Variants in MAEL observed in about 807,000 individuals in gnomAD.
The protein encoded by MAEL is protein maelstrom homolog.
In MAEL, 46 loss-of-function variants were observed where a neutral mutation model predicts 62.0. The ratio of observed to expected loss-of-function variants is 0.74; its 90% CI spans 0.59 to 0.95. The LOEUF (loss-of-function observed/expected upper bound fraction) is 0.95. Among genes scored for constraint, MAEL ranks in the 40% least tolerant of loss-of-function variants. The probability of loss-of-function intolerance (pLI) is 0.00; values close to 1 mark genes in which losing one functional copy is unlikely to be tolerated. For missense variants in MAEL, 497 were observed against 526.8 expected, an observed-to-expected ratio of 0.94 and a Z score of 0.55; for synonymous variants, 172 against 175.5, an observed-to-expected ratio of 0.98 and a Z score of 0.16.
upstream of MAEL, among the ~76,000 whole-genome samples, chr1:166,987,114 T>C (rs1053505242): frequency 1.3e-5 from 2 of 152,158 alleles, no homozygotes; most frequent in Non-Finnish European, 2.9e-5. Flanking sequence ...ATACTACTAA[T>C]AGCCACCAAC....
intron 8 of MAEL, chr1:167,006,198 A>G (rs1433111004): frequency 6.6e-6 from 1 of 152,120 alleles, no homozygotes; most frequent in Non-Finnish European, 1.5e-5. Context: ...TCCGAAGACC[A>G]TATTCATATT....
At chr1:166,986,554 G>A (rs1259048520), upstream of MAEL, among the ~76,000 whole-genome samples, 1 of 152,070 alleles carries the variant, frequency 6.6e-6, no homozygotes, top group African/African-American at 2.4e-5. Flanking sequence ...TTTAAAACAA[G>A]TACACTAAAA....
intron 8 of MAEL, among the ~76,000 whole-genome samples, chr1:167,013,158 G>A (rs567135387): frequency 2.8e-4 from 42 of 152,314 alleles, no homozygotes; most frequent in Non-Finnish European, 5.3e-4. Flanking sequence ...GCAAGCAACT[G>A]TCGTCCTGCT....
intron 5 of MAEL, among the ~76,000 whole-genome samples, chr1:166,994,693 C>T (rs1427894431): frequency 5.9e-5 from 7 of 119,392 alleles, no homozygotes; most frequent in East Asian, 4.9e-4. Flanking sequence ...TTTTTTGAGA[C>T]GGAGCCTTGC....
At chr1:166,997,020 G>T (rs985053880) in intron 5 of MAEL, among the ~76,000 whole-genome samples, 7 of 152,138 alleles carry the variant, frequency 4.6e-5, no homozygotes, top group African/African-American at 4.8e-5. Context: ...TAGAGACAGG[G>T]TTTCACCATG....
At chr1:167,005,697 A>T (rs1664865170) in intron 8 of MAEL, 1 of 196,348 alleles carries the variant, frequency 5.1e-6, no homozygotes, top group African/African-American at 2.3e-5. Context: ...ACTTACATGT[A>T]AAAGAATATA....
Position 167,006,601 on chromosome 1 carries a change from CTATATATATATATATATA to C in MAEL, c.845+1223_845+1240del, listed in dbSNP as rs200881169. 1.7e-3 allele frequency among the ~76,000 whole-genome samples: 169 copies of C among 98,086 alleles called. 4 individuals carry two copies. The highest frequency in any genetic ancestry group is 5.1e-3 in the African/African-American group (148 of 28,842). The allele number at this position is 98,086 out of a possible 152,430, so 64.3% of individuals were successfully genotyped here. The stretch of plus-strand genomic sequence containing the variant: ...CTATTGGAAAGTTACTGGTTTTTTA[CTATATATATATATATATA>C]TATATATATATATATATACATTTTT... On this transcript the variant is annotated intron_variant, in intron 8 of 11. Coordinates refer to ENST00000367872, the MANE Select transcript of MAEL (RefSeq NM_032858.3).
intron 8 of MAEL, chr1:167,006,113 T>C (rs1409830778): frequency 1.3e-5 from 2 of 152,114 alleles, no homozygotes; most frequent in Non-Finnish European, 1.5e-5. Context: ...TGTGTGTGTA[T>C]AGAACATTTA....
upstream of MAEL, among the ~76,000 whole-genome samples, chr1:166,985,061 T>C (rs1663872876): frequency 6.6e-6 from 1 of 152,202 alleles, no homozygotes; most frequent in East Asian, 1.9e-4. Context: ...GGTCAAAATA[T>C]ATGAAACAAT....
At chr1:166,983,737 C>A (rs527758842) in intron 1 of MAEL, among the ~76,000 whole-genome samples, 6 of 151,970 alleles carry the variant, frequency 3.9e-5, no homozygotes, top group African/African-American at 1.4e-4. Context: ...AGCAGTGGCT[C>A]ACACCTGTAA....
chr1:166,997,253 G>T (rs1355538084), intron 5 of MAEL, among the ~76,000 whole-genome samples: 1 of 152,216 alleles, frequency 6.6e-6, no homozygotes, highest in Non-Finnish European at 1.5e-5. Context: ...GAAAGTTTAT[G>T]AATTTGTATT....
At chr1:166,985,953 C>T (rs932663730), upstream of MAEL, among the ~76,000 whole-genome samples, 2 of 152,028 alleles carry the variant, frequency 1.3e-5, no homozygotes, top group Non-Finnish European at 2.9e-5. Flanking sequence ...GAAGGATAGA[C>T]TATGTTAAGT....
intron 10 of MAEL, among the ~76,000 whole-genome samples, chr1:167,019,697 A>G: frequency 6.6e-6 from 1 of 151,932 alleles, no homozygotes; most frequent in East Asian, 1.9e-4. Context: ...TGGCCTCCAG[A>G]CTTCTTTATA....
intron 8 of MAEL, among the ~76,000 whole-genome samples, chr1:167,010,157 C>A (rs1346201047): frequency 2.0e-5 from 3 of 152,290 alleles, no homozygotes; most frequent in African/African-American, 7.2e-5. Flanking sequence ...GGCATTTCCC[C>A]TGTTTGCACT....
intron 8 of MAEL, among the ~76,000 whole-genome samples, chr1:167,006,915 C>T (rs781541195): frequency 2.0e-4 from 30 of 151,864 alleles, no homozygotes; most frequent in African/African-American, 5.3e-4. Context: ...GGATTACATG[C>T]GTGAGCCACT....
At chr1:167,013,445 T>C (rs1339431516) in intron 8 of MAEL, among the ~76,000 whole-genome samples, 1 of 152,180 alleles carries the variant, frequency 6.6e-6, no homozygotes, top group African/African-American at 2.4e-5. Context: ...ATCATCAGTG[T>C]CGATGAGGGT....
intron 8 of MAEL, among the ~76,000 whole-genome samples, chr1:167,009,624 G>A (rs1013707763): frequency 2.0e-5 from 3 of 150,152 alleles, no homozygotes; most frequent in African/African-American, 4.9e-5. Context: ...TTTAATGTTA[G>A]TTTTGTTCCA....
At chr1:166,988,270 A>C (rs1414432074), upstream of MAEL, among the ~76,000 whole-genome samples, 3 of 148,568 alleles carry the variant, frequency 2.0e-5, no homozygotes, top group African/African-American at 7.5e-5. Flanking sequence ...GTCCTACTTG[A>C]GCCCAGGAGG....
At chr1:166,995,044 A>G (rs867678775) in intron 5 of MAEL, among the ~76,000 whole-genome samples, 1 of 151,320 alleles carries the variant, frequency 6.6e-6, no homozygotes, top group South Asian at 2.1e-4. Context: ...GAAATTAAAA[A>G]TAAGTTTTTC....
Sources: allele counts gnomAD v4.1 joint callset (sites outside exome capture counted in the v4.1 genomes callset), GRCh38; gene constraint gnomAD v4.1.1; transcripts MANE v1.5; gene names NCBI Gene and HGNC (gene_info 2026-07-23, HGNC 2026-07-21).